Variants in CCDC149 observed in about 807,000 individuals in gnomAD.
CCDC149 encodes the protein coiled-coil domain-containing protein 149.
Under a neutral mutation model 59.9 loss-of-function variants are expected in CCDC149, and 45 were observed. The observed-to-expected ratio is 0.75, with a 90% CI of 0.59 to 0.96. The LOEUF (loss-of-function observed/expected upper bound fraction) is 0.96. Ranked by LOEUF, CCDC149 falls within the 40% of genes least tolerant of loss-of-function variation. CCDC149 has a pLI of 0.00. For missense variants in CCDC149, 584 were observed against 664.7 expected, an observed-to-expected ratio of 0.88 and a Z score of 1.33; for synonymous variants, 245 against 260.6, an observed-to-expected ratio of 0.94 and a Z score of 0.58.
intron 4 of CCDC149, among the ~76,000 whole-genome samples, chr4:24,848,932 C>T (rs1289109507): frequency 1.3e-5 from 2 of 152,132 alleles, no homozygotes; most frequent in African/African-American, 2.4e-5. Flanking sequence ...TGATGGCAAC[C>T]GAGAGCTGCA....
chr4:24,883,174 T>C (rs1450485793), intron 1 of CCDC149, among the ~76,000 whole-genome samples: 1 of 150,086 alleles, frequency 6.7e-6, no homozygotes, highest in East Asian at 2.0e-4. Flanking sequence ...TGGGTCATGA[T>C]ATATTAGTTG....
intron 1 of CCDC149, among the ~76,000 whole-genome samples, chr4:24,926,682 G>A (rs13109799): frequency 0.13 from 19,639 of 152,194 alleles, 1,346 homozygotes; most frequent in South Asian, 0.16. Context: ...CACAGATTAT[G>A]TCGGTCAGGA....
At chr4:24,812,873 GA>G (rs1714718561) in intron 12 of CCDC149, among the ~76,000 whole-genome samples, 1 of 152,150 alleles carries the variant, frequency 6.6e-6, no homozygotes, top group Admixed American at 6.5e-5. Context: ...CAGTATGGGG[GA>G]AACCACCCCC....
intron 1 of CCDC149, among the ~76,000 whole-genome samples, chr4:24,962,702 G>A (rs1377844679): frequency 1.3e-5 from 2 of 151,832 alleles, no homozygotes; most frequent in Non-Finnish European, 2.9e-5. Flanking sequence ...ATGGACACAG[G>A]AAGGGGAACA....
intron 4 of CCDC149, among the ~76,000 whole-genome samples, chr4:24,851,028 C>CT (rs953235205): frequency 3.3e-5 from 5 of 151,884 alleles, no homozygotes; most frequent in Admixed American, 2.6e-4. Context: ...AATAGAACAT[C>CT]TTCCCCTGCC....
At chr4:24,874,244 G>GTGTTT (rs1719240939) in intron 2 of CCDC149, among the ~76,000 whole-genome samples, 2 of 87,488 alleles carry the variant, frequency 2.3e-5, no homozygotes, top group African/African-American at 1.2e-4. Flanking sequence ...TATTAGATTT[G>GTGTTT]TTTTTTTTTT....
intron 1 of CCDC149, among the ~76,000 whole-genome samples, chr4:24,928,547 C>A (rs1175982997): frequency 6.6e-6 from 1 of 152,188 alleles, no homozygotes; most frequent in Non-Finnish European, 1.5e-5. Flanking sequence ...ATGAATCTAA[C>A]CATGACTGGG....
chr4:24,840,885 C>A (rs1716896169), intron 4 of CCDC149, among the ~76,000 whole-genome samples: 2 of 152,136 alleles, frequency 1.3e-5, no homozygotes, highest in Admixed American at 6.5e-5. Context: ...GATCAGTTGA[C>A]AAAAATGTTG....
chr4:24,920,041 G>A (rs1019752059), intron 1 of CCDC149, among the ~76,000 whole-genome samples: 4 of 152,320 alleles, frequency 2.6e-5, no homozygotes, highest in African/African-American at 4.8e-5. Context: ...TGGAACTTTC[G>A]ATTCCCATGT....
At chr4:24,824,656 C>T (rs1715613231) in intron 9 of CCDC149, among the ~76,000 whole-genome samples, 1 of 152,200 alleles carries the variant, frequency 6.6e-6, no homozygotes, top group Non-Finnish European at 1.5e-5. Context: ...GCAATCTCAT[C>T]CACCATACTC....
chr4:24,923,387 A>C (rs1722353361), intron 1 of CCDC149, among the ~76,000 whole-genome samples: 1 of 152,186 alleles, frequency 6.6e-6, no homozygotes, highest in Admixed American at 6.5e-5. Flanking sequence ...AAGGACATAA[A>C]CTTTATCCAC....
At chr4:24,888,745 T>A (rs1289200755) in intron 1 of CCDC149, among the ~76,000 whole-genome samples, 1 of 152,162 alleles carries the variant, frequency 6.6e-6, no homozygotes, top group Non-Finnish European at 1.5e-5. Flanking sequence ...CCTCGCACCT[T>A]GGGTGTGAGC....
chr4:24,888,738 C>T (rs1055649663), intron 1 of CCDC149, among the ~76,000 whole-genome samples: 3 of 152,168 alleles, frequency 2.0e-5, no homozygotes, highest in East Asian at 1.9e-4. Flanking sequence ...TTAACACCCT[C>T]GCACCTTGGG....
At chr4:24,894,899 C>T (rs747222008) in intron 1 of CCDC149, 8 of 1,490,212 alleles carry the variant, frequency 5.4e-6, no homozygotes, top group Non-Finnish European at 7.2e-6. Flanking sequence ...CCCCTCATGC[C>T]AGCCATTTAG....
chr4:24,915,233 C>G (rs1025137807), upstream of CCDC149, among the ~76,000 whole-genome samples: 1 of 152,270 alleles, frequency 6.6e-6, no homozygotes, highest in African/African-American at 2.4e-5. Context: ...AAGGTACTGT[C>G]TGCCAATATA....
intron 1 of CCDC149, among the ~76,000 whole-genome samples, chr4:24,964,850 A>G (rs1217619914): frequency 7.0e-6 from 1 of 143,852 alleles, no homozygotes; most frequent in East Asian, 2.1e-4. Context: ...TAAATGACAC[A>G]ATACTAATAG....
At chr4:24,851,345 C>G (rs1054213545) in intron 4 of CCDC149, among the ~76,000 whole-genome samples, 1 of 152,208 alleles carries the variant, frequency 6.6e-6, no homozygotes. Flanking sequence ...TCTCTGTAGC[C>G]TCAACCTTCT....
In CCDC149 at chr4:24,912,741, C is replaced by T. The variant is rs535630195; in HGVS notation, c.63+76G>A. On this transcript the variant is annotated intron_variant, in intron 1 of 12. Coordinates refer to ENST00000635206, the MANE Select transcript of CCDC149 (RefSeq NM_001330643.2). ...CCCCTCTCGTCCCTCCCAGCTCGGC[C>T]TCTCTGGGGGCGCGGGCCCGGGGCT... 6.0e-5 allele frequency: 65 copies of T among 1,084,064 alleles called. No homozygotes were observed. In the African/African-American group the frequency reaches 9.4e-4, roughly 16 times the overall value. 67.2% of individuals were successfully genotyped at this position (1,084,064 alleles called of 1,614,324 possible).
intron 1 of CCDC149, among the ~76,000 whole-genome samples, chr4:24,972,287 T>TTTTTCTTTCCTTTTC (rs1553865761): frequency 7.0e-6 from 1 of 142,632 alleles, no homozygotes; most frequent in African/African-American, 2.7e-5. Flanking sequence ...AATTCTGACC[T>TTTTTCTTTCCTTTTC]TTTTCTTTTC....
Sources: gnomAD v4.1 joint callset for allele counts (sites outside exome capture counted in the v4.1 genomes callset) on GRCh38, gnomAD v4.1.1 for gene constraint, MANE v1.5 for transcripts, NCBI Gene and HGNC (gene_info 2026-07-23, HGNC 2026-07-21) for gene names.